Variants in PLXNB2 observed in about 807,000 individuals in gnomAD.
PLXNB2 encodes the protein plexin B2, also known as plexin-B2.
PLXNB2 carries 85 observed loss-of-function variants against 202.6 expected under a neutral mutation model. The ratio of observed to expected loss-of-function variants is 0.42; its 90% confidence interval spans 0.35 to 0.50. PLXNB2 has a LOEUF of 0.50. Ranked by LOEUF, PLXNB2 falls within the 20% of genes least tolerant of loss-of-function variation. The pLI is 0.02. For synonymous variants in PLXNB2, 1,239 were observed against 1,137.6 expected (o/e 1.09, Z -1.79); for missense variants, 2,063 against 2,586.2 (o/e 0.80, Z 4.39).
intron 18 of PLXNB2, 81 bp downstream of exon 18, chr22:50,282,630 C>A: frequency 9.9e-7 from 1 of 1,010,600 alleles, no homozygotes; most frequent in Non-Finnish European, 1.4e-6. Context: ...CACCACATTC[C>A]TTTCAGCACA....
chr22:50,283,221 G>T, intron 16 of PLXNB2, 35 bp from the exon 17 acceptor site: 1 of 1,599,600 alleles, frequency 6.3e-7, no homozygotes. Flanking sequence ...GGTGAGGACG[G>T]GGCACAGGAC....
At position 50,290,339 on chromosome 22, in the gene PLXNB2, G is replaced by A. The variant is rs773812866; in HGVS notation, c.246C>T (p.Ile82=). The A allele has an allele frequency of 5.0e-5, 80 of 1,612,430 alleles. No individual in the cohort carries two copies. In the South Asian group the frequency reaches 5.8e-4, roughly 12 times the overall value. Residue 82 remains isoleucine (I), a synonymous_variant, in exon 3 of 37, where the codon ATC becomes ATT. Coordinates refer to ENST00000359337, the MANE Select transcript of PLXNB2 (RefSeq NM_012401.4). The part of the protein sequence containing the change: ...ALDNKKCTPP[I]EASQCHEAEM... ...CAGCCTCATGGCACTGGCTGGCCTC[G>A]ATGGGCGGCGTGCACTTCTTGTTGT... is the stretch of plus-strand genomic sequence containing the variant.
chr22:50,289,517 C>A lies in PLXNB2; in HGVS notation c.1068G>T (p.Pro356=). ...TGCGAGAACACACTGAGGCCCATAC[C>A]GGCGCGTGGCCGCCGCACTGGATAT... ...HGDIQCGGHA[P]GSSKSFPCGS... The change falls in exon 3 of 37, where the codon CCG becomes CCT. Residue 356 remains proline, a splice_region_variant and synonymous_variant. Coordinates refer to ENST00000359337, the MANE Select transcript of PLXNB2 (RefSeq NM_012401.4). This position sits in a 1 kb window ranked among gnomAD's most constrained non-coding sequence, Gnocchi z 8.0. The A allele has an allele frequency of 6.2e-7, 1 of 1,606,074 alleles. No individual in the cohort carries two copies. Among genetic ancestry groups the A allele is most frequent in the Non-Finnish European group, 8.5e-7 (1 of 1,176,446 alleles).
In PLXNB2 at chr22:50,291,637, G is replaced by C. The variant is rs1286700867; in HGVS notation, c.-13-1040C>G. Among the ~76,000 whole-genome samples the C allele has an allele frequency of 6.6e-6, 1 of 152,138 alleles. No individual in the cohort carries two copies. Among genetic ancestry groups the C allele is most frequent in the Non-Finnish European group, 1.5e-5 (1 of 68,026 alleles). On this transcript the variant is annotated intron_variant, in intron 2 of 36. Transcript: ENST00000359337. This position sits in a 1 kb window ranked among gnomAD's most constrained non-coding sequence, Gnocchi z 4.3. ...TGGGGGCTCAGACACAAGTGGCAGAGACAGGGCCCTTCTGCCTCTGAGCTC... is the reference window on the plus strand; with the variant it reads ...TGGGGGCTCAGACACAAGTGGCAGACACAGGGCCCTTCTGCCTCTGAGCTC...
intron 6 of PLXNB2, 63 bp from the exon 7 acceptor site, chr22:50,287,856 G>A (rs2066579575): frequency 1.5e-5 from 24 of 1,595,468 alleles, no homozygotes; most frequent in Non-Finnish European, 2.0e-5. Flanking sequence ...ACAGGACAGT[G>A]CGATGTGCCC....
rs1160544278 is a variant in PLXNB2, at chr22:50,275,257, C to G, written c.*447G>C. ...AGGAAGGCATCGTACCGCTTTTTCT[C>G]CTCCTCCCATCTCGTGGTGGACAGA... On this transcript the variant is annotated 3_prime_UTR_variant, in exon 37 of 37. Coordinates refer to ENST00000359337, the MANE Select transcript of PLXNB2 (RefSeq NM_012401.4). 2.6e-6 allele frequency: 1 copy of G among 382,554 alleles called. No individual in the cohort carries two copies. The highest frequency in any genetic ancestry group is 5.2e-6 in the Non-Finnish European group (1 of 191,298). The allele number at this position is 382,554 out of a possible 1,614,324, so 23.7% of individuals were successfully genotyped here. A position where few individuals can be genotyped will look rare whatever the true frequency, so the allele number is the denominator to read the frequency against.
chr22:50,288,636 T>C lies in PLXNB2; in HGVS notation c.1380+107A>G, dbSNP rs1290497063. The C allele has an allele frequency of 6.1e-6, 9 of 1,477,390 alleles. No homozygotes were observed. The Admixed American group carries it at 1.6e-4, about 26-fold the overall frequency. 91.5% of individuals were successfully genotyped at this position (1,477,390 alleles called of 1,614,324 possible). A position where few individuals can be genotyped will look rare whatever the true frequency, so the allele number is the denominator to read the frequency against. On this transcript the variant is annotated intron_variant, in intron 5 of 36. Coordinates refer to ENST00000359337, the MANE Select transcript of PLXNB2 (RefSeq NM_012401.4). The surrounding 1 kb of genome is among the most constrained non-coding windows in gnomAD (Gnocchi z 5.0). ...CAGACCAAGGAGAAGGGCCCAGCTC[T>C]GCAGCACCCCATCCTCCTCTGGCCC...
rs2066287542 is a variant in PLXNB2 at position 50,284,663 on chromosome 22, A to G, written c.2091T>C (p.Gly697=). 1.9e-6 allele frequency: 3 copies of G among 1,609,492 alleles called. No individual in the cohort carries two copies. The highest frequency in any genetic ancestry group is 1.3e-5 in the African/African-American group (1 of 74,762). The change falls in exon 12 of 37, where the codon GGT becomes GGC. Residue 697 remains glycine (G), a splice_region_variant and synonymous_variant. Coordinates refer to ENST00000359337, the MANE Select transcript of PLXNB2 (RefSeq NM_012401.4). The surrounding 1 kb of genome is among the most constrained non-coding windows in gnomAD (Gnocchi z 8.0). ...AGTCACTGCCCACGTGCAGGGAGGA[A>G]CCCTGCAGACCATGCCGTCAGGACC... is the stretch of plus-strand genomic sequence containing the variant. ...FQGKNLDTVK[G]SSLHVGSDLL... is the part of the protein sequence containing the mutation.
intron 11 of PLXNB2, among the ~76,000 whole-genome samples, chr22:50,285,291 A>C (rs1294410386): frequency 3.7e-5 from 2 of 53,512 alleles, no homozygotes; most frequent in Non-Finnish European, 3.5e-5. Context: ...ACCAACCGGC[A>C]CCCCCTCCCT....
At position 50,282,002 on chromosome 22, in the gene PLXNB2, G is replaced by A; in HGVS notation, c.3197C>T (p.Ala1066Val). The A allele has an allele frequency of 6.2e-7, 1 of 1,612,948 alleles. No individual in the cohort carries two copies. The highest frequency in any genetic ancestry group is 8.5e-7 in the Non-Finnish European group (1 of 1,179,898). Residue 1066 changes from alanine (A) to valine (V), a missense_variant, in exon 20 of 37, where the codon GCC becomes GTC. By Grantham distance (64) the Ala-to-Val change is moderately conservative. Around this residue, in one of 2 missense-constraint regions of PLXNB2, gnomAD observed 760 missense variants for 1,109.4 expected, o/e 0.69. Coordinates refer to ENST00000359337, the MANE Select transcript of PLXNB2 (RefSeq NM_012401.4). ...LSPAVPEEPEAYNLTVLIEMD... is the reference protein window; with the variant it reads ...LSPAVPEEPEVYNLTVLIEMD... ...CTCGATCAGCACCGTGAGGTTGTAGGCCTCTGGCTCCTCAGGCACAGCCGG... is the reference window on the plus strand; with the variant it reads ...CTCGATCAGCACCGTGAGGTTGTAGACCTCTGGCTCCTCAGGCACAGCCGG...
chr22:50,275,548 C>A lies in PLXNB2; in HGVS notation c.*156G>T. The A allele has an allele frequency of 3.1e-6, 2 of 652,100 alleles. No homozygotes were observed. The highest frequency in any genetic ancestry group is 3.4e-5 in the South Asian group (2 of 59,072). The allele number at this position is 652,100 out of a possible 1,614,324, so 40.4% of individuals were successfully genotyped here. The stretch of plus-strand genomic sequence containing the variant: ...ATTGCTCAGAGGAAGATGCTACAGT[C>A]TAGACGCTGGGCGGGTTCCGGCTGC... On this transcript the variant is annotated 3_prime_UTR_variant, in exon 37 of 37. Coordinates refer to ENST00000359337, the MANE Select transcript of PLXNB2 (RefSeq NM_012401.4).
In PLXNB2 at chr22:50,281,183, C is replaced by G; in HGVS notation, c.3669G>C (p.Lys1223Asn). 1 of 1,612,224 alleles carries G rather than the reference C, an allele frequency of 6.2e-7. No homozygotes were observed. Among genetic ancestry groups the G allele is most frequent in the Non-Finnish European group, 8.5e-7 (1 of 1,179,552 alleles). The change falls in exon 23 of 37, where the codon AAG becomes AAC. Residue 1223 changes from lysine to asparagine, a missense_variant. This residue lies in a region of PLXNB2 where 760 missense variants were observed against 1,109.4 expected (regional missense o/e 0.69). Coordinates refer to ENST00000359337, the MANE Select transcript of PLXNB2 (RefSeq NM_012401.4). ...CATACTCTCGTTCGGCCTGCTGGCTCTTCCTCCTGCAAGGCACAGCGGGCC... is the reference window on the plus strand; with the variant it reads ...CATACTCTCGTTCGGCCTGCTGGCTGTTCCTCCTGCAAGGCACAGCGGGCC... ...IAVSVYCYWR[K>N]SQQAEREYEK...
At position 50,278,998 on chromosome 22, in the gene PLXNB2, A is replaced by G. The variant is rs998098306; in HGVS notation, c.4403T>C (p.Ile1468Thr). 3 of 1,609,952 alleles carry G rather than the reference A, an allele frequency of 1.9e-6. No homozygotes were observed. The highest frequency in any genetic ancestry group is 1.7e-6 in the Non-Finnish European group (2 of 1,177,578). ...GGCGTCCACTCCCTCGTCCTGCACGATCACGCTCACCGTCTGCCGAGACAT... is the reference window on the plus strand; with the variant it reads ...GGCGTCCACTCCCTCGTCCTGCACGGTCACGCTCACCGTCTGCCGAGACAT... ...VEYAPLTVSV[I>T]VQDEGVDAIP... The change falls in exon 28 of 37, where the codon ATC becomes ACC. Residue 1468 changes from isoleucine to threonine, a missense_variant. Ile to Thr is a moderately conservative substitution (Grantham distance 89). Around this residue, in one of 2 missense-constraint regions of PLXNB2, gnomAD observed 760 missense variants for 1,109.4 expected, o/e 0.69. Transcript: ENST00000359337.
At chr22:50,300,221 C>G (rs1361210004) in intron 1 of PLXNB2, 1 of 957,986 alleles carries the variant, frequency 1.0e-6, no homozygotes, top group African/African-American at 1.8e-5. Flanking sequence ...GTAACAATGA[C>G]GGCGGCGGCG....
rs2066516462 is a variant in PLXNB2 at position 50,287,161 on chromosome 22, G to A, written c.1712C>T (p.Ala571Val). 1.3e-6 allele frequency: 2 copies of A among 1,546,330 alleles called. No homozygotes were observed. The highest frequency in any genetic ancestry group is 2.7e-5 in the African/African-American group (2 of 72,868). ...GCTGCTTGGGGAGTTGCAGATGACG[G>A]CCTCGCCCTCCACGCGGGCGGGGTG... ...PPHPARVEGE[A>V]VICNSPSSIP... Residue 571 changes from alanine (A) to valine (V), a missense_variant, in exon 8 of 37, where the codon GCC becomes GTC. This residue lies in a region of PLXNB2 where 1,303 missense variants were observed against 1,476.8 expected (regional missense o/e 0.88). Transcript: ENST00000359337.
chr22:50,285,966 C>T, intron 10 of PLXNB2, 24 bp downstream of exon 10: 1 of 1,607,934 alleles, frequency 6.2e-7, no homozygotes, highest in Non-Finnish European at 8.5e-7. Context: ...CTGAACAGTC[C>T]CCTGAGGCCC....
Position 50,288,698 on chromosome 22 carries a change from G to A in PLXNB2, c.1380+45C>T. 3 of 1,606,636 alleles carry A rather than the reference G, an allele frequency of 1.9e-6. No homozygotes were observed. The highest frequency in any genetic ancestry group is 2.5e-6 in the Non-Finnish European group (3 of 1,176,740). On this transcript the variant is annotated intron_variant, in intron 5 of 36. Coordinates refer to ENST00000359337, the MANE Select transcript of PLXNB2 (RefSeq NM_012401.4). This position sits in a 1 kb window ranked among gnomAD's most constrained non-coding sequence, Gnocchi z 5.0. ...CTAAGGGCCTGGGATGCAATGACCG[G>A]GCACACTTGGCCTAGAGTGCTCTCC...
In PLXNB2 at chr22:50,294,755, G is replaced by T. The variant is rs1300038716; in HGVS notation, c.-50C>A. ...GCTCCAGTGGTCCAGCTCAGTTTCT[G>T]CTCCAGGCCAGCATCGAGATTCTCT... On this transcript the variant is annotated 5_prime_UTR_variant, in exon 2 of 37. Transcript: ENST00000359337. 3 of 985,472 alleles carry T rather than the reference G, an allele frequency of 3.0e-6. No homozygotes were observed. Among genetic ancestry groups the T allele is most frequent in the East Asian group, 1.1e-4 (1 of 8,828 alleles). 61.0% of individuals were successfully genotyped at this position (985,472 alleles called of 1,614,324 possible).
chr22:50,280,963 G>C lies in PLXNB2; in HGVS notation c.3774C>G (p.Ile1258Met), dbSNP rs750672460. ...CGTCGTTGGTCTGGTCCTCCATCTCGATCATCAGGTCTGGGGGGAGGCTGG... is the reference window on the plus strand; with the variant it reads ...CGTCGTTGGTCTGGTCCTCCATCTCCATCATCAGGTCTGGGGGGAGGCTGG... ...RCKKEFTDLM[I>M]EMEDQTNDVH... Residue 1258 changes from isoleucine to methionine, a missense_variant, in exon 24 of 37, where the codon ATC (isoleucine) becomes ATG (methionine). This residue lies in a region of PLXNB2 where 760 missense variants were observed against 1,109.4 expected (regional missense o/e 0.69). Coordinates refer to ENST00000359337, the MANE Select transcript of PLXNB2 (RefSeq NM_012401.4). The C allele has an allele frequency of 6.2e-7, 1 of 1,613,114 alleles. No individual in the cohort carries two copies. The highest frequency in any genetic ancestry group is 8.5e-7 in the Non-Finnish European group (1 of 1,179,856).
Sources: allele counts gnomAD v4.1 joint callset (sites outside exome capture counted in the v4.1 genomes callset), GRCh38; gene constraint gnomAD v4.1.1; regional missense constraint gnomAD v4.1.1; non-coding constraint Gnocchi (gnomAD v3.1); transcripts MANE v1.5; gene names NCBI Gene and HGNC (gene_info 2026-07-23, HGNC 2026-07-21).